EXOC4: variants seen among roughly 807,000 people sequenced by gnomAD.
EXOC4 encodes the protein exocyst complex component 4, also known as SEC8-like 1.
Under a neutral mutation model 107.2 loss-of-function variants are expected in EXOC4, and 71 were observed. The observed-to-expected ratio is 0.66, with a 90% confidence interval of 0.55 to 0.81. The LOEUF (loss-of-function observed/expected upper bound fraction) is 0.81, where lower values mean the gene tolerates loss of function less well. Among genes scored for constraint, EXOC4 ranks in the 30% least tolerant of loss-of-function variants. The pLI, the probability that EXOC4 is intolerant of heterozygous loss-of-function variation, is 0.00. For missense variants in EXOC4, 1,108 were observed against 1,189.6 expected (o/e 0.93, Z 1.01); for synonymous variants, 456 against 441.2 (o/e 1.03, Z -0.42).
intron 14 of EXOC4, among the ~76,000 whole-genome samples, chr7:133,978,163 CCCGTTACAT>C (rs2116903401): frequency 1.3e-5 from 2 of 152,324 alleles, no homozygotes; most frequent in Admixed American, 1.3e-4. Flanking sequence ...GTACATCCCT[CCCGTTACAT>C]GTCACTTCCT....
intron 17 of EXOC4, among the ~76,000 whole-genome samples, chr7:134,020,425 T>C (rs1243647901): frequency 6.6e-6 from 1 of 152,172 alleles, no homozygotes; most frequent in Non-Finnish European, 1.5e-5. Flanking sequence ...TTTAGTCCCC[T>C]TTACTCTTAT....
intron 1 of EXOC4, among the ~76,000 whole-genome samples, chr7:133,254,738 AATG>A (rs1179773003): frequency 6.6e-6 from 1 of 152,230 alleles, no homozygotes; most frequent in Admixed American, 6.5e-5. Context: ...TGTCAGTAAA[AATG>A]ATGACATAAG....
intron 7 of EXOC4, chr7:133,396,354 G>C (rs1796971367): frequency 6.6e-6 from 1 of 152,100 alleles, no homozygotes; most frequent in African/African-American, 2.4e-5. Context: ...TAACACTTCG[G>C]AGAGCCTGCC....
intron 10 of EXOC4, among the ~76,000 whole-genome samples, chr7:133,651,350 CA>C (rs1803146328): frequency 7.9e-6 from 1 of 127,336 alleles, no homozygotes; most frequent in South Asian, 2.3e-4. Flanking sequence ...AATTAAAAAC[CA>C]AAACAAAATA....
intron 14 of EXOC4, among the ~76,000 whole-genome samples, chr7:133,943,618 T>A (rs1800482923): frequency 6.6e-6 from 1 of 152,146 alleles, no homozygotes; most frequent in Non-Finnish European, 1.5e-5. Context: ...ATTTATGTAA[T>A]TTGTTTAGAA....
At chr7:134,040,543 A>G (rs1795491110) in intron 17 of EXOC4, among the ~76,000 whole-genome samples, 1 of 152,166 alleles carries the variant, frequency 6.6e-6, no homozygotes, top group South Asian at 2.1e-4. Flanking sequence ...TGTTACTTGA[A>G]ACCTCCATAA....
chr7:133,560,140 A>G (rs1355687274), intron 9 of EXOC4, among the ~76,000 whole-genome samples: 1 of 152,126 alleles, frequency 6.6e-6, no homozygotes, highest in Non-Finnish European at 1.5e-5. Flanking sequence ...TCAAAATATT[A>G]CTGGCTGGTA....
intron 17 of EXOC4, among the ~76,000 whole-genome samples, chr7:134,016,067 C>G (rs1278905500): frequency 6.6e-6 from 1 of 151,960 alleles, no homozygotes; most frequent in Admixed American, 6.6e-5. Flanking sequence ...ACATGAGTGT[C>G]TAGCCAGATC....
intron 11 of EXOC4, among the ~76,000 whole-genome samples, chr7:133,819,961 C>T (rs921380355): frequency 5.3e-5 from 8 of 152,092 alleles, no homozygotes; most frequent in East Asian, 1.9e-4. Context: ...ACCTCATCAC[C>T]GCCATTTTGT....
intron 7 of EXOC4, among the ~76,000 whole-genome samples, chr7:133,448,332 C>G (rs1392283703): frequency 3.9e-5 from 6 of 151,926 alleles, no homozygotes; most frequent in Admixed American, 6.6e-5. Context: ...TGGTCTTGCT[C>G]TGTCACCCAG....
intron 10 of EXOC4, among the ~76,000 whole-genome samples, chr7:133,799,625 G>A (rs1231623783): frequency 3.3e-5 from 5 of 152,126 alleles, no homozygotes; most frequent in African/African-American, 9.7e-5. Context: ...GGAATGTAAC[G>A]CAGCCTGATC....
chr7:133,527,755 G>A (rs1019547767), intron 9 of EXOC4, among the ~76,000 whole-genome samples: 3 of 152,068 alleles, frequency 2.0e-5, no homozygotes, highest in African/African-American at 7.2e-5. Flanking sequence ...TGTTCAGTAG[G>A]CCACTTTATG....
chr7:133,267,586 C>T (rs1379173340), intron 1 of EXOC4, among the ~76,000 whole-genome samples: 2 of 152,194 alleles, frequency 1.3e-5, no homozygotes, highest in Admixed American at 1.3e-4. Context: ...TAGCTGTTAC[C>T]TCCCAGCTCC....
intron 9 of EXOC4, among the ~76,000 whole-genome samples, chr7:133,574,759 A>G (rs1462490296): frequency 1.3e-5 from 2 of 152,032 alleles, no homozygotes; most frequent in African/African-American, 4.8e-5. Flanking sequence ...TCTCTTCATG[A>G]TCTTTCTCAT....
chr7:133,725,083 C>A (rs1453162080), intron 10 of EXOC4, among the ~76,000 whole-genome samples: 7 of 152,214 alleles, frequency 4.6e-5, no homozygotes, highest in Admixed American at 3.3e-4. Flanking sequence ...AGTCTAAAAT[C>A]TGCAGTGCCC....
intron 6 of EXOC4, among the ~76,000 whole-genome samples, chr7:133,362,330 T>C (rs1238974849): frequency 1.3e-5 from 2 of 152,210 alleles, no homozygotes; most frequent in African/African-American, 4.8e-5. Context: ...CTATACTGTA[T>C]TGTAAGGGGT....
At chr7:133,623,324 A>G (rs987607081) in intron 9 of EXOC4, among the ~76,000 whole-genome samples, 3 of 152,196 alleles carry the variant, frequency 2.0e-5, no homozygotes, top group African/African-American at 7.2e-5. Context: ...ACTGTAATCA[A>G]TATACTTTTT....
chr7:133,682,820 A>G (rs1338567213), intron 10 of EXOC4, among the ~76,000 whole-genome samples: 1 of 152,190 alleles, frequency 6.6e-6, no homozygotes, highest in Non-Finnish European at 1.5e-5. Context: ...AAATGACTCA[A>G]ATGCCGCACC....
At chr7:133,729,858 G>T (rs556621796) in intron 10 of EXOC4, among the ~76,000 whole-genome samples, 2 of 151,888 alleles carry the variant, frequency 1.3e-5, no homozygotes, top group South Asian at 4.2e-4. Context: ...ACTACAGAAG[G>T]CTAAGAAAAC....
Sources: allele counts gnomAD v4.1 joint callset (sites outside exome capture counted in the v4.1 genomes callset), GRCh38; gene constraint gnomAD v4.1.1; transcripts MANE v1.5; gene names NCBI Gene and HGNC (gene_info 2026-07-23, HGNC 2026-07-21).